NDFIP2: variants seen among roughly 807,000 people sequenced by gnomAD.
NDFIP2 encodes Nedd4 family interacting protein 2.
Under a neutral mutation model 36.0 loss-of-function variants are expected in NDFIP2, and 19 were observed. That is an observed-to-expected ratio of 0.53 (90% confidence interval 0.37 to 0.77). NDFIP2 has a LOEUF of 0.77. NDFIP2 is among the 30% of genes least tolerant of loss of function. NDFIP2 has a pLI of 0.00. For missense variants in NDFIP2, 446 were observed against 435.8 expected (o/e 1.02, Z -0.21); for synonymous variants, 181 against 167.7 (o/e 1.08, Z -0.61).
intron 2 of NDFIP2, among the ~76,000 whole-genome samples, chr13:79,532,607 A>C (rs544447804): frequency 5.3e-5 from 8 of 152,344 alleles, no homozygotes; most frequent in Admixed American, 5.2e-4. Context: ...TATAAAAGGA[A>C]ATCTAAAGAA....
At chr13:79,509,344 C>T (rs1474428624) in intron 1 of NDFIP2, among the ~76,000 whole-genome samples, 4 of 151,988 alleles carry the variant, frequency 2.6e-5, no homozygotes, top group Admixed American at 6.6e-5. Context: ...TTCTGATTGG[C>T]AATTGGTTGA....
chr13:79,500,856 A>T (rs76199122), intron 1 of NDFIP2, among the ~76,000 whole-genome samples: 2 of 152,074 alleles, frequency 1.3e-5, no homozygotes, highest in Non-Finnish European at 2.9e-5. Flanking sequence ...GGTCCATTCA[A>T]AAACATGCAC....
intron 1 of NDFIP2, among the ~76,000 whole-genome samples, chr13:79,514,131 C>T (rs1874180610): frequency 1.3e-5 from 2 of 152,168 alleles, no homozygotes; most frequent in South Asian, 2.1e-4. Context: ...TTAATGTTCT[C>T]CAGCCCTCTC....
intron 1 of NDFIP2, among the ~76,000 whole-genome samples, chr13:79,509,639 T>C (rs1873998825): frequency 6.6e-6 from 1 of 151,720 alleles, no homozygotes; most frequent in African/African-American, 2.4e-5. Flanking sequence ...GTATTGGCGT[T>C]CTCTAGAGGA....
At chr13:79,530,011 T>G (rs567870269) in intron 2 of NDFIP2, among the ~76,000 whole-genome samples, 3 of 152,218 alleles carry the variant, frequency 2.0e-5, no homozygotes, top group African/African-American at 7.2e-5. Context: ...TTTAAAACTT[T>G]ACTGCTAAAA....
intron 1 of NDFIP2, among the ~76,000 whole-genome samples, chr13:79,500,580 G>C (rs1873620412): frequency 6.6e-6 from 1 of 151,918 alleles, no homozygotes; most frequent in Non-Finnish European, 1.5e-5. Flanking sequence ...AAGATACTCT[G>C]CATCATTTTG....
chr13:79,487,372 A>T (rs1577418), intron 1 of NDFIP2, among the ~76,000 whole-genome samples: 14 of 151,958 alleles, frequency 9.2e-5, no homozygotes, highest in Non-Finnish European at 1.5e-4. Flanking sequence ...TTTATCATAT[A>T]GTTTTCATCG....
At chr13:79,496,415 T>C (rs1000051047) in intron 1 of NDFIP2, among the ~76,000 whole-genome samples, 1 of 151,962 alleles carries the variant, frequency 6.6e-6, no homozygotes, top group Non-Finnish European at 1.5e-5. Flanking sequence ...AAAGCTGTAA[T>C]TATTTGCATC....
intron 1 of NDFIP2, among the ~76,000 whole-genome samples, chr13:79,483,780 G>T (rs2079828593): frequency 6.6e-6 from 1 of 152,102 alleles, no homozygotes; most frequent in Non-Finnish European, 1.5e-5. Context: ...TCCTTTCATT[G>T]TTAAAAGCAT....
chr13:79,496,834 ATATT>A (rs1402502535), intron 1 of NDFIP2, among the ~76,000 whole-genome samples: 3 of 151,562 alleles, frequency 2.0e-5, no homozygotes, highest in African/African-American at 7.3e-5. Flanking sequence ...TTTTTATTTC[ATATT>A]TATTATTTTT....
Position 79,555,158 on chromosome 13 carries a change from A to G in NDFIP2, c.*2645A>G, listed in dbSNP as rs1258976964. On this transcript the variant is annotated 3_prime_UTR_variant, in exon 8 of 8. Transcript: ENST00000218652. ...GCTAAAACAATATTATTTCCAGTAA[A>G]ACCTCTCCTAACAGGAAAAGTGGAG... 6.6e-6 allele frequency: 1 copy of G among 150,742 alleles called. No homozygotes were observed. Among genetic ancestry groups the G allele is most frequent in the Non-Finnish European group, 1.5e-5 (1 of 67,548 alleles). The allele number at this position is 150,742 out of a possible 1,614,324, so 9.3% of individuals were successfully genotyped here. A position where few individuals can be genotyped will look rare whatever the true frequency, so the allele number is the denominator to read the frequency against.
chr13:79,487,779 A>G (rs1873071603), intron 1 of NDFIP2, among the ~76,000 whole-genome samples: 1 of 152,230 alleles, frequency 6.6e-6, no homozygotes, highest in Non-Finnish European at 1.5e-5. Context: ...TGTTCTTAGC[A>G]TACAAGTTTT....
chr13:79,482,463 T>A (rs1393326827), intron 1 of NDFIP2, among the ~76,000 whole-genome samples: 1 of 152,206 alleles, frequency 6.6e-6, no homozygotes, highest in Non-Finnish European at 1.5e-5. Context: ...GTTGTGCTGT[T>A]GCAGCTAGGT....
At chr13:79,509,078 A>G (rs975085497) in intron 1 of NDFIP2, among the ~76,000 whole-genome samples, 1 of 152,194 alleles carries the variant, frequency 6.6e-6, no homozygotes, top group Non-Finnish European at 1.5e-5. Flanking sequence ...CCCAAAAAGT[A>G]TCTGAAACAG....
intron 2 of NDFIP2, among the ~76,000 whole-genome samples, chr13:79,527,808 A>G (rs1448615429): frequency 1.3e-5 from 2 of 152,216 alleles, no homozygotes; most frequent in Non-Finnish European, 2.9e-5. Context: ...TTCAGGAGGT[A>G]TTCCAGAAGG....
At chr13:79,515,128 G>A (rs1372424968) in intron 1 of NDFIP2, among the ~76,000 whole-genome samples, 1 of 152,066 alleles carries the variant, frequency 6.6e-6, no homozygotes, top group Non-Finnish European at 1.5e-5. Context: ...CTATAAACTT[G>A]TACAGCATGT....
chr13:79,481,197 G>A lies in NDFIP2; in HGVS notation c.-7G>A. On this transcript the variant is annotated 5_prime_UTR_variant, in exon 1 of 8. Transcript: ENST00000218652. ...CACCCAGCTATACCCTCCCACTGGC[G>A]GCGCGGATGGCACGCCGGCGGAGCC... 1 of 1,500,312 alleles carries A rather than the reference G, an allele frequency of 6.7e-7. No homozygotes were observed. Among genetic ancestry groups the A allele is most frequent in the Non-Finnish European group, 8.8e-7 (1 of 1,132,526 alleles). The allele number at this position is 1,500,312 out of a possible 1,614,324, so 92.9% of individuals were successfully genotyped here.
chr13:79,542,591 T>C (rs565237493), intron 4 of NDFIP2, among the ~76,000 whole-genome samples: 1 of 152,188 alleles, frequency 6.6e-6, no homozygotes, highest in East Asian at 1.9e-4. Context: ...ACAATTGATG[T>C]TAAGCATCTT....
rs2079810339 is a variant in NDFIP2 at position 79,481,311 on chromosome 13, C to G, written c.108C>G (p.Val36=). 1 of 1,542,252 alleles carries G rather than the reference C, an allele frequency of 6.5e-7. No individual in the cohort carries two copies. Among genetic ancestry groups the G allele is most frequent in the Middle Eastern group, 1.7e-4 (1 of 6,000 alleles). The part of the protein sequence containing the change: ...LLRGTATNAE[V]SAAAAGATGS... ...GCGGAACCGCGACCAACGCGGAGGT[C>G]TCGGCGGCCGCTGCGGGAGCCACAG... The change falls in exon 1 of 8, where the codon GTC becomes GTG. Residue 36 remains valine (V), a synonymous_variant. Coordinates refer to ENST00000218652, the MANE Select transcript of NDFIP2 (RefSeq NM_019080.3).
Sources: gnomAD v4.1 joint callset for allele counts (sites outside exome capture counted in the v4.1 genomes callset) on GRCh38, gnomAD v4.1.1 for gene constraint, MANE v1.5 for transcripts, NCBI Gene and HGNC (gene_info 2026-07-23, HGNC 2026-07-21) for gene names.